RUNX1: variants seen among roughly 807,000 people sequenced by gnomAD.
The protein encoded by RUNX1 is runt-related transcription factor 1.
In RUNX1, 19 loss-of-function variants were observed where a neutral mutation model predicts 42.8. The observed-to-expected ratio is 0.44, with a 90% CI of 0.31 to 0.65. The LOEUF (loss-of-function observed/expected upper bound fraction) is 0.65. Among genes scored for constraint, RUNX1 ranks in the 30% least tolerant of loss-of-function variants. The pLI is 0.07. For missense variants in RUNX1, 528 were observed against 672.0 expected, an observed-to-expected ratio of 0.79 and a Z score of 2.37; for synonymous variants, 271 against 289.4, an observed-to-expected ratio of 0.94 and a Z score of 0.64.
At chr21:34,872,403 G>A (rs1190706000) in intron 5 of RUNX1, among the ~76,000 whole-genome samples, 1 of 152,196 alleles carries the variant, frequency 6.6e-6, no homozygotes, top group Non-Finnish European at 1.5e-5. Context: ...TCCAGCCACT[G>A]CACATCCCTG....
At position 34,791,932 on chromosome 21, in the gene RUNX1, C is replaced by A. The variant is rs769517735; in HGVS notation, c.*203G>T. On this transcript the variant is annotated 3_prime_UTR_variant, in exon 9 of 9. Coordinates refer to ENST00000675419, the MANE Select transcript of RUNX1 (RefSeq NM_001754.5). ...CCGCGAGGGCCGGGGCGCCAGCAGA[C>A]GGCGGCGGCGTGGGCTTCTGGGCGC... The A allele has an allele frequency of 2.9e-6, 1 of 340,716 alleles. No homozygotes were observed. Among genetic ancestry groups the A allele is most frequent in the South Asian group, 4.0e-5 (1 of 24,890 alleles). 21.1% of individuals were successfully genotyped at this position (340,716 alleles called of 1,614,324 possible). A position where few individuals can be genotyped will look rare whatever the true frequency, so the allele number is the denominator to read the frequency against.
rs766678402 is a variant in RUNX1, at chr21:34,792,459, C to G, written c.1119G>C (p.Ser373=). 15 of 1,580,346 alleles carry G rather than the reference C, an allele frequency of 9.5e-6. No homozygotes were observed. Among genetic ancestry groups the G allele is most frequent in the Middle Eastern group, 1.7e-4 (1 of 6,036 alleles). Residue 373 remains serine, a synonymous_variant, in exon 9 of 9, where the codon TCG becomes TCC. Transcript: ENST00000675419. This position sits in a 1 kb window ranked among gnomAD's most constrained non-coding sequence, Gnocchi z 6.9. ...GCAGGTAGGTGTGGTAGCGCGTGGC[C>G]GAGCCCATGGCCGACATGCCGATGC... ...GIGIGMSAMG[S]ATRYHTYLPP...
At chr21:34,990,570 T>C (rs1396903114) in intron 2 of RUNX1, among the ~76,000 whole-genome samples, 1 of 152,164 alleles carries the variant, frequency 6.6e-6, no homozygotes, top group Non-Finnish European at 1.5e-5. Context: ...TGCTGTTATA[T>C]GATGAACCAC....
In RUNX1 at chr21:34,863,615, C is replaced by T. The variant is rs371072540; in HGVS notation, c.509-4037G>A. 9.2e-5 allele frequency among the ~76,000 whole-genome samples: 12 copies of T among 130,784 alleles called. No individual in the cohort carries two copies. The East Asian group carries it at 1.1e-3, about 12-fold the overall frequency. The allele number at this position is 130,784 out of a possible 152,430, so 85.8% of individuals were successfully genotyped here. ...TGTCTCCTGGGCTGGAGTGCAATGG[C>T]GTGATCTCGGCTCACTGCAACCTCT... is the stretch of plus-strand genomic sequence containing the variant. On this transcript the variant is annotated intron_variant, in intron 5 of 8. Coordinates refer to ENST00000675419, the MANE Select transcript of RUNX1 (RefSeq NM_001754.5).
intron 3 of RUNX1, among the ~76,000 whole-genome samples, chr21:34,889,033 G>C (rs2058041570): frequency 1.3e-5 from 2 of 151,284 alleles, no homozygotes; most frequent in Admixed American, 6.6e-5. Context: ...CGGAGACCTG[G>C]AAAAAGAAAG....
intron 2 of RUNX1, among the ~76,000 whole-genome samples, chr21:35,034,126 A>T (rs1002632284): frequency 6.6e-6 from 1 of 152,232 alleles, no homozygotes; most frequent in Non-Finnish European, 1.5e-5. Context: ...GATTGAGTGC[A>T]GCCCTGCCAT....
intron 2 of RUNX1, among the ~76,000 whole-genome samples, chr21:35,041,280 G>A (rs1037464505): frequency 2.0e-5 from 3 of 152,204 alleles, no homozygotes; most frequent in Admixed American, 1.3e-4. Flanking sequence ...GACTGAATAC[G>A]TTGAGTATTT....
At chr21:34,831,375 G>C (rs572309818) in intron 7 of RUNX1, among the ~76,000 whole-genome samples, 63 of 152,302 alleles carry the variant, frequency 4.1e-4, no homozygotes, top group African/African-American at 1.4e-3. Context: ...CCGTGCTTCA[G>C]ATAATTTGAG....
chr21:34,992,816 C>A (rs533651375), intron 2 of RUNX1, among the ~76,000 whole-genome samples: 2 of 152,346 alleles, frequency 1.3e-5, no homozygotes, highest in African/African-American at 4.8e-5. Flanking sequence ...AGCCAGTCCT[C>A]GAGCTGGCCT....
chr21:34,950,030 G>A lies in RUNX1; in HGVS notation c.59-57067C>T, dbSNP rs554452864. 4.6e-5 allele frequency among the ~76,000 whole-genome samples: 7 copies of A among 152,258 alleles called. No homozygotes were observed. In the South Asian group the frequency reaches 6.2e-4, roughly 14 times the overall value. ...ATAACATGAAGCAGCCTTAGAGATCGTTCACCAAATTGAGTTAAAATTAAA... is the reference window on the plus strand; with the variant it reads ...ATAACATGAAGCAGCCTTAGAGATCATTCACCAAATTGAGTTAAAATTAAA... On this transcript the variant is annotated intron_variant, in intron 2 of 8. Transcript: ENST00000675419.
At chr21:34,831,682 C>A (rs1037002255) in intron 7 of RUNX1, among the ~76,000 whole-genome samples, 1 of 152,178 alleles carries the variant, frequency 6.6e-6, no homozygotes, top group African/African-American at 2.4e-5. Context: ...TCAAAGAAAG[C>A]CAGAAACACA....
intron 7 of RUNX1, among the ~76,000 whole-genome samples, chr21:34,810,085 C>T (rs556200930): frequency 6.6e-5 from 10 of 152,206 alleles, no homozygotes; most frequent in African/African-American, 1.9e-4. Flanking sequence ...TGGGAGAGGC[C>T]GAGGGGGCAT....
chr21:34,939,539 GAAGA>G (rs1395343581), intron 2 of RUNX1, among the ~76,000 whole-genome samples: 2 of 152,216 alleles, frequency 1.3e-5, no homozygotes, highest in Non-Finnish European at 2.9e-5. Flanking sequence ...CAGAATGAGA[GAAGA>G]AAGAGGGGCC....
chr21:34,822,670 A>C (rs1030315145), intron 7 of RUNX1, among the ~76,000 whole-genome samples: 2 of 152,230 alleles, frequency 1.3e-5, no homozygotes, highest in Admixed American at 6.5e-5. Context: ...GAGATGAGAG[A>C]GCTAAATAAA....
rs548011352 is a variant in RUNX1, at chr21:34,788,608, A to G, written c.*3527T>C. The G allele has an allele frequency of 4.3e-6, 1 of 233,232 alleles. No individual in the cohort carries two copies. The highest frequency in any genetic ancestry group is 5.6e-5 in the Admixed American group (1 of 17,790). The allele number at this position is 233,232 out of a possible 1,614,324, so 14.4% of individuals were successfully genotyped here. ...AACAATATTTTATAATGAAGCTTAA[A>G]ATCTATTTACATACATAAATACAAT... On this transcript the variant is annotated 3_prime_UTR_variant, in exon 9 of 9. Coordinates refer to ENST00000675419, the MANE Select transcript of RUNX1 (RefSeq NM_001754.5).
At chr21:34,930,262 G>GTA (rs2058430301) in intron 2 of RUNX1, among the ~76,000 whole-genome samples, 2 of 77,668 alleles carry the variant, frequency 2.6e-5, no homozygotes, top group African/African-American at 7.2e-5. Context: ...TTATACGTGT[G>GTA]TGTGTATGTA....
chr21:34,924,490 G>A (rs1030435136), intron 2 of RUNX1, among the ~76,000 whole-genome samples: 4 of 152,166 alleles, frequency 2.6e-5, no homozygotes, highest in African/African-American at 9.7e-5. Context: ...GCTGTGGTGT[G>A]TTGGTGATGA....
intron 2 of RUNX1, among the ~76,000 whole-genome samples, chr21:34,948,007 T>C (rs1348536579): frequency 6.6e-6 from 1 of 151,952 alleles, no homozygotes; most frequent in Non-Finnish European, 1.5e-5. Flanking sequence ...CTCCTGTGGG[T>C]TTTCCGGGCT....
chr21:34,804,719 T>C (rs1357661039), intron 7 of RUNX1, among the ~76,000 whole-genome samples: 3 of 150,570 alleles, frequency 2.0e-5, no homozygotes, highest in Non-Finnish European at 4.4e-5. Flanking sequence ...AAGAGATGGA[T>C]GATGTAGGCA....
Sources: allele counts gnomAD v4.1 joint callset (sites outside exome capture counted in the v4.1 genomes callset), GRCh38; gene constraint gnomAD v4.1.1; non-coding constraint Gnocchi (gnomAD v3.1); transcripts MANE v1.5; gene names NCBI Gene and HGNC (gene_info 2026-07-23, HGNC 2026-07-21).